The following SPEG variants were observed in gnomAD, a reference collection of about 807,000 sequenced individuals.
The protein encoded by SPEG is striated muscle enriched protein kinase.
Under a neutral mutation model 300.4 loss-of-function variants are expected in SPEG, and 114 were observed. The ratio of observed to expected loss-of-function variants is 0.38; its 90% confidence interval spans 0.33 to 0.44. The LOEUF is 0.44. SPEG is among the 20% of genes least tolerant of loss of function. SPEG has a pLI of 1.00. For synonymous variants in SPEG, 1,964 were observed against 2,018.9 expected (o/e 0.97, Z 0.73); for missense variants, 4,201 against 4,586.2 (o/e 0.92, Z 2.43).
rs776690291 is a variant in SPEG at position 219,440,565 on chromosome 2, A to AT, written c.389-4085dup. On this transcript the variant is annotated intron_variant, in intron 1 of 40. Coordinates refer to ENST00000312358, the MANE Select transcript of SPEG (RefSeq NM_005876.5). ...TCTGTCCCTGTATTTATTTTATTTT[A>AT]TTTATTTATTTATTTATTTATTTAT... Among the ~76,000 whole-genome samples, 42 of 29,504 alleles carry AT rather than the reference A, an allele frequency of 1.4e-3. No individual in the cohort carries two copies. The East Asian group carries it at 0.035, about 25-fold the overall frequency. The allele number at this position is 29,504 out of a possible 152,430, so 19.4% of individuals were successfully genotyped here.
rs1176319329 is a variant in SPEG at position 219,435,162 on chromosome 2, T to A, written c.185T>A (p.Leu62Gln). 1 of 1,471,472 alleles carries A rather than the reference T, an allele frequency of 6.8e-7. No individual in the cohort carries two copies. The highest frequency in any genetic ancestry group is 2.9e-5 in the East Asian group (1 of 34,392). 91.2% of individuals were successfully genotyped at this position (1,471,472 alleles called of 1,614,324 possible). A position where few individuals can be genotyped will look rare whatever the true frequency, so the allele number is the denominator to read the frequency against. The stretch of plus-strand genomic sequence containing the variant: ...GTGTGCGCGGGCAGCGACGTGCGGC[T>A]GCGGGTGGTGGTGAGCGGGACGCCC... Reference protein sequence around the residue: ...AAVCAGSDVRLRVVVSGTPQP... With the variant: ...AAVCAGSDVRQRVVVSGTPQP... Residue 62 changes from leucine to glutamine, a missense_variant, in exon 1 of 41, where the codon CTG becomes CAG. Transcript: ENST00000312358.
At chr2:219,465,686 C>T (rs1246899884) in intron 9 of SPEG, 3 of 332,788 alleles carry the variant, frequency 9.0e-6, no homozygotes, top group East Asian at 6.7e-5. Flanking sequence ...TGGCTAGCTG[C>T]CGGCCCTCGC....
rs1693746224 is a variant in SPEG at position 219,489,329 on chromosome 2, C to T, written c.8318-7C>T. ...GCACCACGGTGATGATTTTCTCTCTCTCTTAGATTCTTCAGCTGTGCCATC... is the reference window on the plus strand; with the variant it reads ...GCACCACGGTGATGATTTTCTCTCTTTCTTAGATTCTTCAGCTGTGCCATC... On this transcript the variant is annotated splice_region_variant and splice_polypyrimidine_tract_variant and intron_variant, in intron 35 of 40. Transcript: ENST00000312358. The T allele has an allele frequency of 1.2e-6, 2 of 1,613,672 alleles. No homozygotes were observed. Among genetic ancestry groups the T allele is most frequent in the Non-Finnish European group, 1.7e-6 (2 of 1,179,880 alleles).
At chr2:219,446,415 CT>C (rs957129348) in intron 3 of SPEG, among the ~76,000 whole-genome samples, 119 of 152,292 alleles carry the variant, frequency 7.8e-4, no homozygotes, top group African/African-American at 2.7e-3. Context: ...GCCTCACCCA[CT>C]TCCCAGAGGC....
rs993830728 is a variant in SPEG at position 219,439,446 on chromosome 2, G to A, written c.388+4081G>A. 3.3e-5 allele frequency among the ~76,000 whole-genome samples: 5 copies of A among 152,154 alleles called. No homozygotes were observed. Among genetic ancestry groups the A allele is most frequent in the African/African-American group, 7.2e-5 (3 of 41,424 alleles). On this transcript the variant is annotated intron_variant, in intron 1 of 40. Coordinates refer to ENST00000312358, the MANE Select transcript of SPEG (RefSeq NM_005876.5). The surrounding 1 kb of genome is among the most constrained non-coding windows in gnomAD (Gnocchi z 4.5). Reference sequence around the variant, plus strand: ...TATGTCAGAAATACAGAGCAGGGTCGTAAATGAGAGAAGGGAGAAACTGAA... The same window carrying A: ...TATGTCAGAAATACAGAGCAGGGTCATAAATGAGAGAAGGGAGAAACTGAA...
At position 219,448,292 on chromosome 2, in the gene SPEG, C is replaced by A; in HGVS notation, c.1134C>A (p.Ser378Arg). Residue 378 changes from serine to arginine, a missense_variant, in exon 4 of 41, where the codon AGC (serine) becomes AGA (arginine). Physicochemically the swap from Ser to Arg is moderately radical, Grantham distance 110. Coordinates refer to ENST00000312358, the MANE Select transcript of SPEG (RefSeq NM_005876.5). ...AATCCCGACCCCAGACGCCACTGAG[C>A]GAGGCCTCAGGCCGCCTGTCGGCGT... ...TAESRPQTPLSEASGRLSALG... is the reference protein window; with the variant it reads ...TAESRPQTPLREASGRLSALG... The A allele has an allele frequency of 1.2e-6, 2 of 1,609,820 alleles. No homozygotes were observed. The highest frequency in any genetic ancestry group is 1.7e-6 in the Non-Finnish European group (2 of 1,178,782).
Position 219,484,042 on chromosome 2 carries a change from A to T in SPEG, c.6579A>T (p.Glu2193Asp), listed in dbSNP as rs551879750. 18 of 1,613,224 alleles carry T rather than the reference A, an allele frequency of 1.1e-5. No individual in the cohort carries two copies. The highest frequency in any genetic ancestry group is 1.5e-5 in the Non-Finnish European group (18 of 1,179,778). ...AACCCAGTACCCCTAAGTCTGCAGA[A>T]CCTTCTGCCACCACACCTAGTGATG... ...APKPSTPKSAEPSATTPSDAP... is the reference protein window; with the variant it reads ...APKPSTPKSADPSATTPSDAP... The change falls in exon 30 of 41, where the codon GAA (glutamate) becomes GAT (aspartate). Residue 2193 changes from glutamate to aspartate, a missense_variant. By Grantham distance (45) the Glu-to-Asp change is conservative (BLOSUM62 2). Transcript: ENST00000312358.
At chr2:219,457,852 A>G (rs1235738903) in intron 6 of SPEG, among the ~76,000 whole-genome samples, 1 of 152,176 alleles carries the variant, frequency 6.6e-6, no homozygotes. Flanking sequence ...TTCCGCATGC[A>G]CTTTCCTCTG....
At position 219,490,464 on chromosome 2, in the gene SPEG, G is replaced by A. The variant is rs114190040; in HGVS notation, c.8977G>A (p.Val2993Met). ...GGAGAATGCCACGGGGCGAACGTTC[G>A]TGGCCAAGATCGTGCCCTATGCTGC... ...CRENATGRTF[V>M]AKIVPYAAEG... The change falls in exon 37 of 41, where the codon GTG becomes ATG. Residue 2993 changes from valine to methionine, a missense_variant. Coordinates refer to ENST00000312358, the MANE Select transcript of SPEG (RefSeq NM_005876.5). 96 of 1,613,296 alleles carry A rather than the reference G, an allele frequency of 6.0e-5. No individual in the cohort carries two copies. The highest frequency in any genetic ancestry group is 3.3e-4 in the African/African-American group (25 of 75,054).
intron 4 of SPEG, chr2:219,450,934 T>C: frequency 1.8e-6 from 1 of 560,832 alleles, no homozygotes; most frequent in South Asian, 2.7e-5. Context: ...TGCCCTGACC[T>C]GTTTCGAGAA....
chr2:219,448,260 A>G lies in SPEG; in HGVS notation c.1102A>G (p.Thr368Ala). 3.1e-6 allele frequency: 5 copies of G among 1,609,902 alleles called. No homozygotes were observed. The highest frequency in any genetic ancestry group is 4.2e-6 in the Non-Finnish European group (5 of 1,178,076). ...SKSSGPSLAG[T>A]AESRPQTPLS... Reference sequence around the variant, plus strand: ...GTCGTCCGGGCCCTCCCTGGCGGGCACCGCGGAATCCCGACCCCAGACGCC... The same window carrying G: ...GTCGTCCGGGCCCTCCCTGGCGGGCGCCGCGGAATCCCGACCCCAGACGCC... Residue 368 changes from threonine (T) to alanine (A), a missense_variant, in exon 4 of 41, where the codon ACC becomes GCC. By Grantham distance (58) the Thr-to-Ala change is moderately conservative. Around this residue, in one of 4 missense-constraint regions of SPEG, gnomAD observed 1,258 missense variants for 1,293.9 expected, o/e 0.97. Transcript: ENST00000312358.
chr2:219,435,245 C>T lies in SPEG; in HGVS notation c.268C>T (p.Pro90Ser). 6.7e-7 allele frequency: 1 copy of T among 1,482,602 alleles called. No homozygotes were observed. The highest frequency in any genetic ancestry group is 8.9e-7 in the Non-Finnish European group (1 of 1,126,356). 91.8% of individuals were successfully genotyped at this position (1,482,602 alleles called of 1,614,324 possible). A position where few individuals can be genotyped will look rare whatever the true frequency, so the allele number is the denominator to read the frequency against. The change falls in exon 1 of 41, where the codon CCC (proline) becomes TCC (serine). Residue 90 changes from proline (P) to serine (S), a missense_variant. Physicochemically the swap from Pro to Ser is moderately conservative, Grantham distance 74. Transcript: ENST00000312358. The stretch of plus-strand genomic sequence containing the variant: ...GCTCCTGCCCGCGCCGGCCCCCGAG[C>T]CCAGCTGCCTGTGGCTGCGGCGCTG... ...GQLLPAPAPE[P>S]SCLWLRRCGA...
intron 28 of SPEG, 21 bp from the exon 29 acceptor site, chr2:219,482,763 C>T: frequency 6.2e-7 from 1 of 1,612,136 alleles, no homozygotes. Context: ...TTCCCTCAAG[C>T]CCTCTTTCCT....
chr2:219,463,724 T>C (rs933914041), intron 8 of SPEG, among the ~76,000 whole-genome samples: 3 of 152,170 alleles, frequency 2.0e-5, no homozygotes, highest in Admixed American at 6.5e-5. Flanking sequence ...GATTTTTTTT[T>C]TTAACATTGT....
intron 3 of SPEG, among the ~76,000 whole-genome samples, chr2:219,446,873 C>T (rs986280759): frequency 1.8e-4 from 28 of 152,010 alleles, no homozygotes; most frequent in Non-Finnish European, 2.4e-4. Flanking sequence ...GCATTTTAAG[C>T]ACTTGGTACA....
At position 219,462,040 on chromosome 2, in the gene SPEG, G is replaced by A; in HGVS notation, c.2599G>A (p.Ala867Thr). The A allele has an allele frequency of 6.2e-7, 1 of 1,606,214 alleles. No homozygotes were observed. The highest frequency in any genetic ancestry group is 1.3e-5 in the African/African-American group (1 of 74,446). ...NRRSSDTGSKAPPTFKVSLMD... is the reference protein window; with the variant it reads ...NRRSSDTGSKTPPTFKVSLMD... ...CCGTTCTTCTGACACTGGCTCCAAG[G>A]CACCCCCCACCTTCAAGGTCAGACC... The change falls in exon 7 of 41, where the codon GCA (alanine) becomes ACA (threonine). Residue 867 changes from alanine to threonine, a missense_variant. This residue lies in a region of SPEG where 1,258 missense variants were observed against 1,293.9 expected (regional missense o/e 0.97). Transcript: ENST00000312358.
In SPEG at chr2:219,444,691, G is replaced by C. The variant is rs370248588; in HGVS notation, c.427G>C (p.Gly143Arg). The change falls in exon 2 of 41, where the codon GGA becomes CGA. Residue 143 changes from glycine to arginine, a missense_variant. This residue lies in a region of SPEG where 1,258 missense variants were observed against 1,293.9 expected (regional missense o/e 0.97). Transcript: ENST00000312358. This position sits in a 1 kb window ranked among gnomAD's most constrained non-coding sequence, Gnocchi z 7.8. ...TAEDDISDVQ[G>R]TQRLELRDDG... ...TGAGGATGACATCAGCGATGTGCAGGGAACCCAGCGCCTGGAGCTTCGGGA... is the reference window on the plus strand; with the variant it reads ...TGAGGATGACATCAGCGATGTGCAGCGAACCCAGCGCCTGGAGCTTCGGGA... 8 of 1,614,048 alleles carry C rather than the reference G, an allele frequency of 5.0e-6. No homozygotes were observed. Among genetic ancestry groups the C allele is most frequent in the Non-Finnish European group, 5.1e-6 (6 of 1,179,942 alleles).
Position 219,464,692 on chromosome 2 carries a change from A to G in SPEG, c.2881+84A>G. The G allele has an allele frequency of 7.1e-7, 1 of 1,409,642 alleles. No homozygotes were observed. 87.3% of individuals were successfully genotyped at this position (1,409,642 alleles called of 1,614,324 possible). A position where few individuals can be genotyped will look rare whatever the true frequency, so the allele number is the denominator to read the frequency against. ...TGTCTGCTCTCACACAGCCTCAGTT[A>G]GAGGATGCCACCACTGAAAGGGCCT... On this transcript the variant is annotated intron_variant, in intron 9 of 40. Coordinates refer to ENST00000312358, the MANE Select transcript of SPEG (RefSeq NM_005876.5). The surrounding 1 kb of genome is among the most constrained non-coding windows in gnomAD (Gnocchi z 4.5).
At chr2:219,488,042 G>A (rs1053262004) in intron 31 of SPEG, 152 bp from the exon 32 acceptor site, 14 of 633,696 alleles carry the variant, frequency 2.2e-5, no homozygotes, top group Non-Finnish European at 3.9e-5. Context: ...TCGAAGGCAT[G>A]GCGTGGGGTT....
Sources: gnomAD v4.1 joint callset for allele counts (sites outside exome capture counted in the v4.1 genomes callset) on GRCh38, gnomAD v4.1.1 for gene constraint, gnomAD v4.1.1 regional missense constraint, Gnocchi (gnomAD v3.1) non-coding constraint, MANE v1.5 for transcripts, NCBI Gene and HGNC (gene_info 2026-07-23, HGNC 2026-07-21) for gene names.